Variants in GARNL3 observed in about 807,000 individuals in gnomAD.
GARNL3 encodes GTPase-activating Rap/Ran-GAP domain-like protein 3.
A neutral mutation model predicts 125.0 loss-of-function variants in GARNL3; 63 were observed. That is an observed-to-expected ratio of 0.50 (90% confidence interval 0.41 to 0.62). The LOEUF (loss-of-function observed/expected upper bound fraction) is 0.62, where lower values mean the gene tolerates loss of function less well. Ranked by LOEUF, GARNL3 falls within the 20% of genes least tolerant of loss-of-function variation. The pLI is 0.00. For missense variants in GARNL3, 994 were observed against 1,244.0 expected (o/e 0.80, Z 3.02); for synonymous variants, 439 against 457.5 (o/e 0.96, Z 0.52).
Position 127,384,629 on chromosome 9 carries a change from G to A in GARNL3, c.2270-398G>A, listed in dbSNP as rs1386916703. ...ACACCAGGGCTGGGCCTTGAAGAGC[G>A]ACCAAAGGGAAGGGTCCCAGGCAGG... On this transcript the variant is annotated intron_variant, in intron 23 of 27. Coordinates refer to ENST00000373387, the MANE Select transcript of GARNL3 (RefSeq NM_032293.5). The surrounding 1 kb of genome is among the most constrained non-coding windows in gnomAD (Gnocchi z 4.0). Among the ~76,000 whole-genome samples, 3 of 152,180 alleles carry A rather than the reference G, an allele frequency of 2.0e-5. No individual in the cohort carries two copies. Among genetic ancestry groups the A allele is most frequent in the African/African-American group, 7.2e-5 (3 of 41,432 alleles).
chr9:127,227,692 G>A (rs2062938470), intron 1 of GARNL3, among the ~76,000 whole-genome samples: 1 of 152,046 alleles, frequency 6.6e-6, no homozygotes. Flanking sequence ...TGAGGCACGG[G>A]GACCGCTTGA....
chr9:127,277,049 A>G (rs79102613), intron 1 of GARNL3, among the ~76,000 whole-genome samples: 4,440 of 152,296 alleles, frequency 0.029, 116 homozygotes, highest in African/African-American at 0.075. Context: ...TGAAAGATCC[A>G]TGATCTTGCT....
At chr9:127,281,509 ACCCAGCTG>A (rs1204256929) in intron 1 of GARNL3, among the ~76,000 whole-genome samples, 2 of 152,046 alleles carry the variant, frequency 1.3e-5, no homozygotes, top group Non-Finnish European at 2.9e-5. Flanking sequence ...TGCTCTCAGC[ACCCAGCTG>A]CCCAGCTGCC....
rs1333005 is a variant in GARNL3 at position 127,280,090 on chromosome 9, G to T, written c.145-11078G>T. Among the ~76,000 whole-genome samples, 1 of 152,150 alleles carries T rather than the reference G, an allele frequency of 6.6e-6. No individual in the cohort carries two copies. The highest frequency in any genetic ancestry group is 2.4e-5 in the African/African-American group (1 of 41,422). Reference sequence around the variant, plus strand: ...CAGTAGCAGTCTGGTTGAAAGAGGCGTATTGAAGTAATGTTTGCTTAGCTC... The same window carrying T: ...CAGTAGCAGTCTGGTTGAAAGAGGCTTATTGAAGTAATGTTTGCTTAGCTC... On this transcript the variant is annotated intron_variant, in intron 1 of 27. Transcript: ENST00000373387. This position sits in a 1 kb window ranked among gnomAD's most constrained non-coding sequence, Gnocchi z 4.5.
chr9:127,288,311 G>A (rs1297213219), intron 1 of GARNL3, among the ~76,000 whole-genome samples: 1 of 152,184 alleles, frequency 6.6e-6, no homozygotes, highest in Admixed American at 6.5e-5. Context: ...TGAGAAAGGA[G>A]GGCCTTCCAA....
Position 127,355,406 on chromosome 9 carries a change from G to T in GARNL3, c.1869G>T (p.Gly623=). The change falls in exon 20 of 28, where the codon GGG becomes GGT. Residue 623 remains glycine, a synonymous_variant. Transcript: ENST00000373387. ...CAAGAAAACACAACAAGCCAAGCGG[G>T]GTCACCAGCACCTCATTGTTATCTC... ...LITRKHNKPS[G]VTSTSLLSPL... 1.9e-6 allele frequency: 3 copies of T among 1,614,198 alleles called. No homozygotes were observed. Among genetic ancestry groups the T allele is most frequent in the Non-Finnish European group, 2.5e-6 (3 of 1,180,028 alleles).
chr9:127,303,286 A>T (rs1371644043), intron 2 of GARNL3, among the ~76,000 whole-genome samples: 1 of 152,204 alleles, frequency 6.6e-6, no homozygotes, highest in Non-Finnish European at 1.5e-5. Context: ...TTATGTATGT[A>T]TATATATTTT....
chr9:127,378,487 T>C (rs1304884973), intron 22 of GARNL3, among the ~76,000 whole-genome samples: 1 of 151,276 alleles, frequency 6.6e-6, no homozygotes, highest in Non-Finnish European at 1.5e-5. Context: ...TTCGGGAGGC[T>C]TAGGCAGGAG....
At chr9:127,322,005 T>G (rs2065419418) in intron 6 of GARNL3, among the ~76,000 whole-genome samples, 1 of 152,218 alleles carries the variant, frequency 6.6e-6, no homozygotes, top group South Asian at 2.1e-4. Context: ...TCATATCTTT[T>G]GTTTTGATGT....
intron 4 of GARNL3, among the ~76,000 whole-genome samples, chr9:127,317,728 AAACAAAACAAC>A (rs975033553): frequency 1.4e-5 from 2 of 147,058 alleles, no homozygotes; most frequent in African/African-American, 5.0e-5. Context: ...AAACAAAACA[AAACAAAACAAC>A]AACAACAACA....
At chr9:127,370,835 C>T (rs568195733) in intron 22 of GARNL3, among the ~76,000 whole-genome samples, 1 of 152,316 alleles carries the variant, frequency 6.6e-6, no homozygotes, top group South Asian at 2.1e-4. Flanking sequence ...GCTCATTCTC[C>T]CCTGCAAGCT....
At chr9:127,338,036 C>A in intron 11 of GARNL3, 80 bp from the exon 12 acceptor site, 1 of 1,054,746 alleles carries the variant, frequency 9.5e-7, no homozygotes, top group Non-Finnish European at 1.5e-6. Context: ...GAGAATGACT[C>A]TGCACAAGGG....
chr9:127,334,433 C>T (rs965801237), intron 9 of GARNL3, among the ~76,000 whole-genome samples: 6 of 152,176 alleles, frequency 3.9e-5, no homozygotes, highest in African/African-American at 1.4e-4. Context: ...CATGGCATCA[C>T]GGATTCTGAA....
In GARNL3 at chr9:127,266,502, GT is replaced by G. The variant is rs540076040; in HGVS notation, c.144+1483del. On this transcript the variant is annotated intron_variant, in intron 1 of 27. Transcript: ENST00000373387. The surrounding 1 kb of genome is among the most constrained non-coding windows in gnomAD (Gnocchi z 4.0). ...ATTACTTATCTTTGTGACCAGTCAG[GT>G]TACTTCTCTGAACCTCAGTAATGCT... Among the ~76,000 whole-genome samples the G allele has an allele frequency of 2.7e-3, 408 of 152,290 alleles. 4 individuals are homozygous for G. Among genetic ancestry groups the G allele is most frequent in the Non-Finnish European group, 5.0e-3 (341 of 68,024 alleles).
At chr9:127,248,628 G>A (rs1411637924) in intron 2 of GARNL3, among the ~76,000 whole-genome samples, 2 of 65,938 alleles carry the variant, frequency 3.0e-5, no homozygotes, top group Non-Finnish European at 4.7e-5. Context: ...TTTTTGTTGA[G>A]ACAGGGTCTC....
At chr9:127,323,339 C>T (rs1272896262) in intron 6 of GARNL3, among the ~76,000 whole-genome samples, 40 of 152,196 alleles carry the variant, frequency 2.6e-4, no homozygotes, top group Admixed American at 2.6e-3. Flanking sequence ...GGACTATTCG[C>T]TTCTGAACAA....
intron 1 of GARNL3, among the ~76,000 whole-genome samples, chr9:127,238,383 CCTAA>C (rs1411598880): frequency 2.0e-5 from 3 of 152,122 alleles, no homozygotes; most frequent in Admixed American, 2.0e-4. Flanking sequence ...TGAGGAGAGG[CCTAA>C]CTGTGAAGTA....
intron 2 of GARNL3, among the ~76,000 whole-genome samples, chr9:127,305,253 T>G (rs2064920139): frequency 6.6e-6 from 1 of 152,262 alleles, no homozygotes; most frequent in Non-Finnish European, 1.5e-5. Context: ...TACACTTCTT[T>G]GTGCCCTTTA....
chr9:127,239,412 C>T (rs1342030642), intron 1 of GARNL3, among the ~76,000 whole-genome samples: 1 of 152,190 alleles, frequency 6.6e-6, no homozygotes, highest in East Asian at 1.9e-4. Context: ...TCAGGACACG[C>T]CAGGTCATTT....
Sources: gnomAD v4.1 joint callset for allele counts (sites outside exome capture counted in the v4.1 genomes callset) on GRCh38, gnomAD v4.1.1 for gene constraint, Gnocchi (gnomAD v3.1) non-coding constraint, MANE v1.5 for transcripts, NCBI Gene and HGNC (gene_info 2026-07-23, HGNC 2026-07-21) for gene names.